The following KCNT1 variants were observed in gnomAD, a reference collection of about 807,000 sequenced individuals.
KCNT1 encodes potassium channel subfamily T member 1.
KCNT1 carries 78 observed loss-of-function variants against 147.8 expected under a neutral mutation model. That is an observed-to-expected ratio of 0.53 (90% confidence interval 0.44 to 0.64). The LOEUF (loss-of-function observed/expected upper bound fraction) is 0.64. KCNT1 is among the 30% of genes least tolerant of loss of function. The pLI, the probability that KCNT1 is intolerant of heterozygous loss-of-function variation, is 0.00. For synonymous variants in KCNT1, 867 were observed against 748.8 expected (o/e 1.16, Z -2.58); for missense variants, 1,419 against 1,750.3 (o/e 0.81, Z 3.38).
chr9:135,774,003 A>G (rs1447296493), intron 19 of KCNT1, among the ~76,000 whole-genome samples: 1 of 150,594 alleles, frequency 6.6e-6, no homozygotes, highest in Non-Finnish European at 1.5e-5. Context: ...CGAGTAGGGC[A>G]TGGGGGTGGG....
chr9:135,756,689 G>T, intron 6 of KCNT1, among the ~76,000 whole-genome samples, 184 bp from the exon 7 acceptor site: 1 of 152,064 alleles, frequency 6.6e-6, no homozygotes, highest in South Asian at 2.1e-4. Context: ...ATCTGCCCTC[G>T]GCCCTGGCGG....
At chr9:135,779,498 C>G (rs780548148) in intron 24 of KCNT1, 28 bp downstream of exon 24, 10 of 1,488,446 alleles carry the variant, frequency 6.7e-6, no homozygotes, top group Non-Finnish European at 9.4e-6. Flanking sequence ...GTGCCAGCTG[C>G]CACCCCAGAA....
In KCNT1 at chr9:135,778,983, G is replaced by A. The variant is rs566466582; in HGVS notation, c.2729+161G>A. On this transcript the variant is annotated intron_variant, in intron 23 of 30. Transcript: ENST00000371757. ...CTGAGACCGCCACAGCCACGACCAC[G>A]GGCCCTCGCCCTGAGACCCCCACAG... Among the ~76,000 whole-genome samples the A allele has an allele frequency of 5.4e-4, 71 of 130,932 alleles. 2 individuals carry two copies. In the East Asian group the frequency reaches 0.011, roughly 20 times the overall value. 85.9% of individuals were successfully genotyped at this position (130,932 alleles called of 152,430 possible).
At chr9:135,706,137 G>A (rs935031792) in intron 1 of KCNT1, among the ~76,000 whole-genome samples, 1 of 152,234 alleles carries the variant, frequency 6.6e-6, no homozygotes, top group Non-Finnish European at 1.5e-5. Context: ...CTGGGCCTCA[G>A]TTTCCTCATC....
chr9:135,736,881 C>T (rs1830363338), intron 2 of KCNT1: 1 of 282,244 alleles, frequency 3.5e-6, no homozygotes. Context: ...TTGCCTGCAG[C>T]CCGGGGAAGG....
chr9:135,788,263 G>T, intron 29 of KCNT1: 1 of 999,838 alleles, frequency 1.0e-6, no homozygotes, highest in Non-Finnish European at 1.6e-6. Context: ...CAGGTGGACA[G>T]GAGCTGTGAG....
At chr9:135,761,688 C>T (rs529079982) in intron 11 of KCNT1, among the ~76,000 whole-genome samples, 58 of 152,338 alleles carry the variant, frequency 3.8e-4, no homozygotes, top group African/African-American at 1.3e-3. Flanking sequence ...CTGCTGAGGC[C>T]GCTGCACCCA....
intron 2 of KCNT1, among the ~76,000 whole-genome samples, chr9:135,729,481 G>A (rs1037665912): frequency 3.3e-5 from 5 of 152,244 alleles, no homozygotes; most frequent in Non-Finnish European, 7.3e-5. Flanking sequence ...GGATGCCTCC[G>A]TCTCAGCCTC....
chr9:135,739,606 A>AC (rs1292652227), intron 2 of KCNT1, among the ~76,000 whole-genome samples: 1 of 151,366 alleles, frequency 6.6e-6, no homozygotes, highest in African/African-American at 2.4e-5. Flanking sequence ...GGCTCGGCAC[A>AC]CCCCTTCCCC....
chr9:135,749,790 G>C (rs11103159), intron 2 of KCNT1, among the ~76,000 whole-genome samples: 19,414 of 152,256 alleles, frequency 0.13, 1,392 homozygotes, highest in South Asian at 0.18. Flanking sequence ...GCGAGGGTGT[G>C]TGGAGTGAGT....
At chr9:135,702,426 A>C (rs1438922754) in intron 1 of KCNT1, 58 bp downstream of exon 1, 3 of 1,105,364 alleles carry the variant, frequency 2.7e-6, no homozygotes, top group Admixed American at 1.9e-5. Flanking sequence ...TAAGACCCCC[A>C]AGTTCCCCCT....
chr9:135,727,052 C>CCTCTCTCCGTTTCCCATTCT (rs1836204944), intron 2 of KCNT1, among the ~76,000 whole-genome samples: 1 of 42,548 alleles, frequency 2.4e-5, no homozygotes. Flanking sequence ...TCTCTCTCTC[C>CCTCTCTCCGTTTCCCATTCT]CTCTCTCCCT....
chr9:135,726,449 G>A (rs916908213), intron 2 of KCNT1, among the ~76,000 whole-genome samples: 4 of 152,100 alleles, frequency 2.6e-5, no homozygotes, highest in Non-Finnish European at 5.9e-5. Context: ...GGCTCGCCAT[G>A]TGGCCAGGGC....
At chr9:135,766,855 C>T (rs1356334802) in intron 13 of KCNT1, 1 of 152,176 alleles carries the variant, frequency 6.6e-6, no homozygotes, top group Non-Finnish European at 1.5e-5. Context: ...TGCTCCAAGT[C>T]TAGGGAAATC....
At chr9:135,786,600 C>T (rs1163351630) in intron 29 of KCNT1, 79 bp downstream of exon 29, 10 of 1,354,030 alleles carry the variant, frequency 7.4e-6, no homozygotes, top group South Asian at 1.5e-5. Context: ...CAGTCGGCCA[C>T]GGCGTCCCGG....
At position 135,770,020 on chromosome 9, in the gene KCNT1, C is replaced by T. The variant is rs1431522018; in HGVS notation, c.1584C>T (p.Thr528=). Residue 528 remains threonine, a synonymous_variant, in exon 16 of 31, where the codon ACC becomes ACT. Transcript: ENST00000371757. ...ACTGCATCTGCCCGGCGACCTCCAC[C>T]CTCATCACCCTGCTGGTGCACACGT... is the stretch of plus-strand genomic sequence containing the variant. ...ALNCICPATS[T]LITLLVHTSR... is the part of the protein sequence containing the mutation. 1 of 1,554,530 alleles carries T rather than the reference C, an allele frequency of 6.4e-7. No individual in the cohort carries two copies. The highest frequency in any genetic ancestry group is 8.7e-7 in the Non-Finnish European group (1 of 1,149,346).
chr9:135,751,130 G>C, intron 4 of KCNT1, 89 bp downstream of exon 4: 2 of 1,245,680 alleles, frequency 1.6e-6, no homozygotes, highest in East Asian at 2.3e-5. Flanking sequence ...TGGCGTCCCT[G>C]GGGGAGCCCC....
Position 135,784,139 on chromosome 9 carries a change from C to A in KCNT1, c.2943+14C>A. On this transcript the variant is annotated intron_variant, in intron 25 of 30. Coordinates refer to ENST00000371757, the MANE Select transcript of KCNT1 (RefSeq NM_020822.3). ...CTGCTCTACCAGGTCAGCGGGGAAG[C>A]GGCAGCAGGAGGGTGGCGCCTGGGT... is the stretch of plus-strand genomic sequence containing the variant. 1 of 1,597,636 alleles carries A rather than the reference C, an allele frequency of 6.3e-7. No individual in the cohort carries two copies. Among genetic ancestry groups the A allele is most frequent in the Non-Finnish European group, 8.5e-7 (1 of 1,175,780 alleles).
rs2131613725 is a variant in KCNT1 at position 135,794,375 on chromosome 9, TTGGGGCCTC to T, written c.*2217_*2225del. ...TGCCCAAGAGGGGCTGGGTGAGCAC[TTGGGGCCTC>T]TGAGAACATCAGTGGTCCGTTCCCT... On this transcript the variant is annotated 3_prime_UTR_variant, in exon 31 of 31. Transcript: ENST00000371757. 6.6e-6 allele frequency: 1 copy of T among 152,514 alleles called. No homozygotes were observed. The highest frequency in any genetic ancestry group is 2.4e-5 in the African/African-American group (1 of 41,588). The allele number at this position is 152,514 out of a possible 1,614,324, so 9.4% of individuals were successfully genotyped here. A position where few individuals can be genotyped will look rare whatever the true frequency, so the allele number is the denominator to read the frequency against.
Sources: allele counts gnomAD v4.1 joint callset (sites outside exome capture counted in the v4.1 genomes callset), GRCh38; gene constraint gnomAD v4.1.1; transcripts MANE v1.5; gene names NCBI Gene and HGNC (gene_info 2026-07-23, HGNC 2026-07-21).